The following ARHGAP10 variants were observed in gnomAD, a reference collection of about 807,000 sequenced individuals.
ARHGAP10 encodes the protein rho GTPase-activating protein 10.
Under a neutral mutation model 108.6 loss-of-function variants are expected in ARHGAP10, and 87 were observed. The ratio of observed to expected loss-of-function variants is 0.80; its 90% confidence interval spans 0.67 to 0.96. The LOEUF is 0.96. Ranked by LOEUF, ARHGAP10 falls within the 40% of genes least tolerant of loss-of-function variation. ARHGAP10 has a pLI of 0.00. For synonymous variants in ARHGAP10, 347 were observed against 341.1 expected (o/e 1.02, Z -0.19); for missense variants, 939 against 954.5 (o/e 0.98, Z 0.21).
chr4:147,966,677 C>A lies in ARHGAP10; in HGVS notation c.1557-3C>A. ...CAGATTCCTCCCCCCTTACCAATTT[C>A]AGTGTTTCAAATCACTCCAAGCAGA... On this transcript the variant is annotated splice_polypyrimidine_tract_variant and splice_region_variant and intron_variant, in intron 17 of 22. Coordinates refer to ENST00000336498, the MANE Select transcript of ARHGAP10 (RefSeq NM_024605.4). 1 of 1,553,770 alleles carries A rather than the reference C, an allele frequency of 6.4e-7. No homozygotes were observed.
At chr4:148,068,832 T>G (rs965984424) in intron 22 of ARHGAP10, among the ~76,000 whole-genome samples, 31 of 152,134 alleles carry the variant, frequency 2.0e-4, no homozygotes, top group African/African-American at 7.2e-4. Flanking sequence ...ACTGTCTACA[T>G]TATGCTGAAA....
chr4:147,744,498 A>G (rs1262063476), intron 1 of ARHGAP10, among the ~76,000 whole-genome samples: 3 of 152,164 alleles, frequency 2.0e-5, no homozygotes, highest in Admixed American at 6.5e-5. Flanking sequence ...GAATTGTTGT[A>G]GAAAGCTTTC....
intron 1 of ARHGAP10, 83 bp downstream of exon 1, chr4:147,732,538 T>A (rs1728259424): frequency 1.3e-6 from 2 of 1,561,522 alleles, no homozygotes; most frequent in South Asian, 1.2e-5. Context: ...CGGAGGGTCT[T>A]GTGTCCGGGG....
intron 18 of ARHGAP10, among the ~76,000 whole-genome samples, chr4:147,993,468 T>C (rs1023799271): frequency 1.3e-5 from 2 of 152,226 alleles, no homozygotes; most frequent in Non-Finnish European, 2.9e-5. Flanking sequence ...TATACAATTA[T>C]TAATTTATTC....
chr4:147,945,991 C>G (rs772905184), intron 14 of ARHGAP10, among the ~76,000 whole-genome samples: 1 of 152,158 alleles, frequency 6.6e-6, no homozygotes, highest in Middle Eastern at 3.2e-3. Flanking sequence ...CCCAGTAGCT[C>G]CACCCTGTTC....
rs111730885 is a variant in ARHGAP10 at position 147,810,706 on chromosome 4, G to T, written c.155-12021G>T. 2.1e-3 allele frequency among the ~76,000 whole-genome samples: 321 copies of T among 152,308 alleles called. 2 individuals are homozygous for T. Among genetic ancestry groups the T allele is most frequent in the African/African-American group, 7.1e-3 (295 of 41,562 alleles). On this transcript the variant is annotated intron_variant, in intron 1 of 22. Transcript: ENST00000336498. ...TCCACATCAAAGACCTCTCTGTAGTGCCTTAGGGTATGGTGAGGGCAGTAG... is the reference window on the plus strand; with the variant it reads ...TCCACATCAAAGACCTCTCTGTAGTTCCTTAGGGTATGGTGAGGGCAGTAG...
intron 1 of ARHGAP10, among the ~76,000 whole-genome samples, chr4:147,768,125 AAAG>A (rs1398718079): frequency 6.6e-6 from 1 of 152,188 alleles, no homozygotes; most frequent in Non-Finnish European, 1.5e-5. Context: ...AATATTCAGG[AAAG>A]AATAAGGGAT....
chr4:148,019,720 G>A (rs528376696), intron 18 of ARHGAP10, among the ~76,000 whole-genome samples: 2 of 151,522 alleles, frequency 1.3e-5, no homozygotes, highest in Non-Finnish European at 2.9e-5. Flanking sequence ...AGCCGAGATC[G>A]CGCCATTGCA....
At chr4:147,867,256 T>A (rs1397735660) in intron 7 of ARHGAP10, among the ~76,000 whole-genome samples, 1 of 152,232 alleles carries the variant, frequency 6.6e-6, no homozygotes, top group Non-Finnish European at 1.5e-5. Flanking sequence ...CAGTTGCTAT[T>A]GGTCTTGAAT....
chr4:148,070,938 C>T (rs1041526699), intron 22 of ARHGAP10, among the ~76,000 whole-genome samples: 1 of 152,084 alleles, frequency 6.6e-6, no homozygotes, highest in African/African-American at 2.4e-5. Flanking sequence ...GGACCTGTGC[C>T]CTTTGCTGTC....
chr4:147,741,310 AT>A (rs1426179873), intron 1 of ARHGAP10, among the ~76,000 whole-genome samples: 1 of 152,058 alleles, frequency 6.6e-6, no homozygotes, highest in Admixed American at 6.6e-5. Flanking sequence ...CATTTAACCC[AT>A]TTTCTTTTTG....
chr4:147,788,705 A>G (rs1270169587), intron 1 of ARHGAP10, among the ~76,000 whole-genome samples: 1 of 152,206 alleles, frequency 6.6e-6, no homozygotes, highest in Non-Finnish European at 1.5e-5. Context: ...AATGATATCC[A>G]TGCTTGATCT....
intron 3 of ARHGAP10, among the ~76,000 whole-genome samples, chr4:147,832,154 A>C (rs910344635): frequency 6.6e-6 from 1 of 152,098 alleles, no homozygotes; most frequent in Non-Finnish European, 1.5e-5. Context: ...TTAATTGTCT[A>C]ATCCAGAGGA....
intron 15 of ARHGAP10, among the ~76,000 whole-genome samples, chr4:147,947,285 A>C (rs1438492068): frequency 1.3e-5 from 2 of 150,780 alleles, no homozygotes; most frequent in African/African-American, 4.9e-5. Context: ...GGGTTAGATG[A>C]AGAACAAGTA....
chr4:147,855,887 T>G (rs1734067207), intron 4 of ARHGAP10, among the ~76,000 whole-genome samples: 1 of 152,148 alleles, frequency 6.6e-6, no homozygotes, highest in African/African-American at 2.4e-5. Flanking sequence ...TGAAAAAAGA[T>G]AAATAAAAGA....
intron 1 of ARHGAP10, among the ~76,000 whole-genome samples, chr4:147,812,271 C>T (rs1732061339): frequency 6.6e-6 from 1 of 152,108 alleles, no homozygotes; most frequent in Non-Finnish European, 1.5e-5. Context: ...AAATGGGGTA[C>T]TTGGTTACAT....
At chr4:147,777,196 C>G (rs1259763525) in intron 1 of ARHGAP10, among the ~76,000 whole-genome samples, 1 of 151,740 alleles carries the variant, frequency 6.6e-6, no homozygotes, top group Non-Finnish European at 1.5e-5. Flanking sequence ...ATTTGGTTTT[C>G]TGTCTTTGCT....
chr4:147,910,939 C>G (rs1736704235), intron 12 of ARHGAP10, among the ~76,000 whole-genome samples: 1 of 151,992 alleles, frequency 6.6e-6, no homozygotes, highest in Non-Finnish European at 1.5e-5. Flanking sequence ...TACCCCTCTT[C>G]CTTCTTCCCT....
At chr4:147,811,228 A>AG (rs1732003452) in intron 1 of ARHGAP10, among the ~76,000 whole-genome samples, 1 of 152,228 alleles carries the variant, frequency 6.6e-6, no homozygotes, top group African/African-American at 2.4e-5. Flanking sequence ...TGCGGGCCCC[A>AG]GGCCCCCAGT....
Sources: gnomAD v4.1 joint callset for allele counts (sites outside exome capture counted in the v4.1 genomes callset) on GRCh38, gnomAD v4.1.1 for gene constraint, MANE v1.5 for transcripts, NCBI Gene and HGNC (gene_info 2026-07-23, HGNC 2026-07-21) for gene names.